Variants in OR6B1 observed in about 807,000 individuals in gnomAD.
OR6B1 encodes olfactory receptor family 6 subfamily B member 1, also known as olfactory receptor 6B1.
OR6B1 carries 15 observed loss-of-function variants against 15.4 expected under a neutral mutation model. The observed-to-expected ratio is 0.97, with a 90% CI of 0.65 to 1.50. The LOEUF (loss-of-function observed/expected upper bound fraction) is 1.50, where lower values mean the gene tolerates loss of function less well. Among genes scored for constraint, OR6B1 ranks in the 40% most tolerant of loss-of-function variants. OR6B1 has a pLI of 0.00. For synonymous variants in OR6B1, 139 were observed against 144.9 expected, an observed-to-expected ratio of 0.96 and a Z score of 0.29; for missense variants, 384 against 385.0, an observed-to-expected ratio of 1.00 and a Z score of 0.02.
intron 1 of OR6B1, among the ~76,000 whole-genome samples, 200 bp from the exon 2 acceptor site, chr7:144,003,772 A>AACACACACACACACAC (rs2050599724): frequency 1.5e-5 from 1 of 64,884 alleles, no homozygotes; most frequent in African/African-American, 9.2e-5. Flanking sequence ...AACAGATACA[A>AACACACACACACACAC]TCACACACAC....
chr7:144,000,917 G>A (rs2050581536), intron 1 of OR6B1, among the ~76,000 whole-genome samples: 1 of 152,142 alleles, frequency 6.6e-6, no homozygotes, highest in Non-Finnish European at 1.5e-5. Flanking sequence ...CCCAGATTAT[G>A]ATCCCAAACT....
intron 1 of OR6B1, among the ~76,000 whole-genome samples, chr7:144,001,495 T>G (rs2050584706): frequency 6.6e-6 from 1 of 152,236 alleles, no homozygotes; most frequent in African/African-American, 2.4e-5. Context: ...ATGAGGGTGC[T>G]TTCTAACGGG....
Position 144,004,838 on chromosome 7 carries a change from C to T in OR6B1, c.842C>T (p.Pro281Leu). ...IISIFYAIVT[P>L]SLNPFIYCLR... is the part of the protein sequence containing the mutation. ...TCCATCTTCTATGCCATTGTCACTC[C>T]TTCTCTCAACCCTTTCATTTATTGC... The change falls in exon 2 of 2, where the codon CCT becomes CTT. Residue 281 changes from proline (P) to leucine (L), a missense_variant. Coordinates refer to ENST00000641698, the MANE Select transcript of OR6B1 (RefSeq NM_001005281.3). 6.2e-7 allele frequency: 1 copy of T among 1,613,240 alleles called. No homozygotes were observed. The highest frequency in any genetic ancestry group is 1.7e-5 in the Admixed American group (1 of 60,024).
Position 144,000,667 on chromosome 7 carries a change from A to G in OR6B1, c.-26+17A>G, listed in dbSNP as rs529824296. On this transcript the variant is annotated intron_variant, in intron 1 of 1. Coordinates refer to ENST00000641698, the MANE Select transcript of OR6B1 (RefSeq NM_001005281.3). ...TGTGCCAAGGTAAGTGCTCCCTCTC[A>G]GAGCATTACTTTCTCACTATGCAGG... 1 of 152,760 alleles carries G rather than the reference A, an allele frequency of 6.5e-6. No individual in the cohort carries two copies. Among genetic ancestry groups the G allele is most frequent in the African/African-American group, 2.4e-5 (1 of 41,558 alleles). The allele number at this position is 152,760 out of a possible 1,614,324, so 9.5% of individuals were successfully genotyped here.
At position 144,005,614 on chromosome 7, in the gene OR6B1, A is replaced by G. The variant is rs1022446720; in HGVS notation, c.*682A>G. The G allele has an allele frequency of 6.6e-6, 1 of 152,198 alleles. No homozygotes were observed. The highest frequency in any genetic ancestry group is 1.5e-5 in the Non-Finnish European group (1 of 68,032). 9.4% of individuals were successfully genotyped at this position (152,198 alleles called of 1,614,324 possible). On this transcript the variant is annotated 3_prime_UTR_variant, in exon 2 of 2. Transcript: ENST00000641698. ...AGTGGATGAACATAAAATAGATGAT[A>G]AATAAATATCATCAAATATATGAAT...
chr7:144,002,845 C>G (rs895887532), intron 1 of OR6B1, among the ~76,000 whole-genome samples: 4 of 152,090 alleles, frequency 2.6e-5, no homozygotes, highest in African/African-American at 9.7e-5. Flanking sequence ...TCCATCACAG[C>G]ATGGCAATCA....
At position 144,004,422 on chromosome 7, in the gene OR6B1, C is replaced by T; in HGVS notation, c.426C>T (p.Phe142=). ...CCATAATGAGCCATGGGCTCTGCTTCCGCCTCGCTCTTGGTTCCTGGGCCA... is the reference window on the plus strand; with the variant it reads ...CCATAATGAGCCATGGGCTCTGCTTTCGCCTCGCTCTTGGTTCCTGGGCCA... ...YPTIMSHGLC[F]RLALGSWAIG... is the part of the protein sequence containing the mutation. The change falls in exon 2 of 2, where the codon TTC becomes TTT. Residue 142 remains phenylalanine, a synonymous_variant. Transcript: ENST00000641698. 6.2e-7 allele frequency: 1 copy of T among 1,614,244 alleles called. No individual in the cohort carries two copies. Among genetic ancestry groups the T allele is most frequent in the South Asian group, 1.1e-5 (1 of 91,084 alleles).
rs771683830 is a variant in OR6B1 at position 144,004,109 on chromosome 7, CAG to C, written c.114_115del (p.Val39GlyfsTer2). 3 of 1,614,008 alleles carry C rather than the reference CAG, an allele frequency of 1.9e-6. No homozygotes were observed. In the African/African-American group the frequency reaches 4.0e-5, roughly 22 times the overall value. On this transcript the variant is annotated frameshift_variant, in exon 2 of 2. Coordinates refer to ENST00000641698, the MANE Select transcript of OR6B1 (RefSeq NM_001005281.3). LOFTEE classifies it high-confidence loss of function. ...ATATTCCTTGTGGCCTATATTCTGA[CAG>C]TGGCTGAAAACGTGATCATCATCCT...
At chr7:144,003,536 G>C (rs921751795) in intron 1 of OR6B1, among the ~76,000 whole-genome samples, 6 of 152,174 alleles carry the variant, frequency 3.9e-5, no homozygotes, top group Non-Finnish European at 7.3e-5. Flanking sequence ...GCATGTGAAG[G>C]ATAAAGGAGT....
At chr7:144,003,217 A>G (rs1249069065) in intron 1 of OR6B1, among the ~76,000 whole-genome samples, 3 of 152,148 alleles carry the variant, frequency 2.0e-5, no homozygotes, top group East Asian at 1.9e-4. Context: ...AATATGGGGG[A>G]AAATCCCCTT....
At position 144,004,748 on chromosome 7, in the gene OR6B1, C is replaced by T. The variant is rs758847798; in HGVS notation, c.752C>T (p.Ser251Leu). The change falls in exon 2 of 2, where the codon TCA (serine) becomes TTA (leucine). Residue 251 changes from serine (S) to leucine (L), a missense_variant. Transcript: ENST00000641698. ...SHLVVVTIFYSAIIFMYARPR... is the reference protein window; with the variant it reads ...SHLVVVTIFYLAIIFMYARPR... ...CTTGTGGTGGTCACCATTTTCTATT[C>T]AGCCATTATTTTCATGTATGCTCGA... 9 of 1,614,186 alleles carry T rather than the reference C, an allele frequency of 5.6e-6. No homozygotes were observed. The East Asian group carries it at 2.0e-4, about 36-fold the overall frequency.
chr7:144,004,406 G>T lies in OR6B1; in HGVS notation c.410G>T (p.Ser137Ile), dbSNP rs746111228. The stretch of plus-strand genomic sequence containing the variant: ...CCACTCCACTACCCAACCATAATGA[G>T]CCATGGGCTCTGCTTCCGCCTCGCT... ...CRPLHYPTIM[S>I]HGLCFRLALG... The change falls in exon 2 of 2, where the codon AGC becomes ATC. Residue 137 changes from serine to isoleucine, a missense_variant. Transcript: ENST00000641698. The T allele has an allele frequency of 6.2e-7, 1 of 1,614,162 alleles. No homozygotes were observed. The highest frequency in any genetic ancestry group is 8.5e-7 in the Non-Finnish European group (1 of 1,180,038).
At position 144,005,101 on chromosome 7, in the gene OR6B1, C is replaced by T. The variant is rs2050616022; in HGVS notation, c.*169C>T. The stretch of plus-strand genomic sequence containing the variant: ...TCTGCATCTGTGCATATGGTCAGTG[C>T]TCTAAGGCCATACACCTTCTAGAGA... On this transcript the variant is annotated 3_prime_UTR_variant, in exon 2 of 2. Transcript: ENST00000641698. 2 of 594,596 alleles carry T rather than the reference C, an allele frequency of 3.4e-6. No homozygotes were observed. The highest frequency in any genetic ancestry group is 3.1e-5 in the Admixed American group (1 of 32,270). 36.8% of individuals were successfully genotyped at this position (594,596 alleles called of 1,614,324 possible). A position where few individuals can be genotyped will look rare whatever the true frequency, so the allele number is the denominator to read the frequency against.
Position 144,004,808 on chromosome 7 carries a change from T to C in OR6B1, c.812T>C (p.Ile271Thr). The change falls in exon 2 of 2, where the codon ATT (isoleucine) becomes ACT (threonine). Residue 271 changes from isoleucine to threonine, a missense_variant. Transcript: ENST00000641698. ...RVIHAFNMNK[I>T]ISIFYAIVTP... ...ATCCATGCCTTCAACATGAACAAAA[T>C]TATTTCCATCTTCTATGCCATTGTC... 1 of 1,614,004 alleles carries C rather than the reference T, an allele frequency of 6.2e-7. No homozygotes were observed. Among genetic ancestry groups the C allele is most frequent in the Non-Finnish European group, 8.5e-7 (1 of 1,179,980 alleles).
intron 1 of OR6B1, among the ~76,000 whole-genome samples, chr7:144,001,482 G>C (rs2050584563): frequency 1.3e-5 from 2 of 152,176 alleles, no homozygotes; most frequent in African/African-American, 4.8e-5. Flanking sequence ...TTAAGTGTAT[G>C]CTATGAGGGT....
rs1354688394 is a variant in OR6B1, at chr7:144,006,176, A to G, written c.*1244A>G. 1 of 152,250 alleles carries G rather than the reference A, an allele frequency of 6.6e-6. No homozygotes were observed. Among genetic ancestry groups the G allele is most frequent in the African/African-American group, 2.4e-5 (1 of 41,470 alleles). The allele number at this position is 152,250 out of a possible 1,614,324, so 9.4% of individuals were successfully genotyped here. Reference sequence around the variant, plus strand: ...GTTCCATTTTATAAACTTCCAGAACAGATGTTCAAGGAAGTAAATAACATA... The same window carrying G: ...GTTCCATTTTATAAACTTCCAGAACGGATGTTCAAGGAAGTAAATAACATA... On this transcript the variant is annotated 3_prime_UTR_variant, in exon 2 of 2. Coordinates refer to ENST00000641698, the MANE Select transcript of OR6B1 (RefSeq NM_001005281.3).
In OR6B1 at chr7:144,007,224, T is replaced by C. The variant is rs2050630657; in HGVS notation, c.*2292T>C. ...AGCTCCTTCCCCTTTGTGGAAGGAA[T>C]ACCTAAGTGCACAGGCTCAGCAAAG... On this transcript the variant is annotated 3_prime_UTR_variant, in exon 2 of 2. Coordinates refer to ENST00000641698, the MANE Select transcript of OR6B1 (RefSeq NM_001005281.3). 1 of 152,142 alleles carries C rather than the reference T, an allele frequency of 6.6e-6. No individual in the cohort carries two copies. Among genetic ancestry groups the C allele is most frequent in the Non-Finnish European group, 1.5e-5 (1 of 68,040 alleles). 9.4% of individuals were successfully genotyped at this position (152,142 alleles called of 1,614,324 possible).
In OR6B1 at chr7:144,004,718, C is replaced by T. The variant is rs1586859971; in HGVS notation, c.722C>T (p.Ser241Phe). Residue 241 changes from serine (S) to phenylalanine (F), a missense_variant, in exon 2 of 2, where the codon TCC (serine) becomes TTC (phenylalanine). Ser to Phe is a radical substitution (Grantham distance 155). Transcript: ENST00000641698. ...GKQKAFSTCASHLVVVTIFYS... is the reference protein window; with the variant it reads ...GKQKAFSTCAFHLVVVTIFYS... ...CAGAAAGCGTTCTCCACTTGTGCCT[C>T]CCATCTTGTGGTGGTCACCATTTTC... The T allele has an allele frequency of 1.9e-6, 3 of 1,614,188 alleles. No homozygotes were observed. The highest frequency in any genetic ancestry group is 2.2e-5 in the East Asian group (1 of 44,888).
intron 1 of OR6B1, among the ~76,000 whole-genome samples, chr7:144,002,981 T>C (rs1352007921): frequency 6.6e-6 from 1 of 152,202 alleles, no homozygotes; most frequent in Admixed American, 6.5e-5. Flanking sequence ...CTTAGTATTA[T>C]GTTGTGTCTG....
Sources: allele counts gnomAD v4.1 joint callset (sites outside exome capture counted in the v4.1 genomes callset), GRCh38; gene constraint gnomAD v4.1.1; transcripts MANE v1.5; gene names NCBI Gene and HGNC (gene_info 2026-07-23, HGNC 2026-07-21).